Variants in CCL18 observed in about 807,000 individuals in gnomAD.
The protein encoded by CCL18 is C-C motif chemokine 18.
A neutral mutation model predicts 8.0 loss-of-function variants in CCL18; 7 were observed. That is an observed-to-expected ratio of 0.87 (90% CI 0.50 to 1.64). The LOEUF (loss-of-function observed/expected upper bound fraction) is 1.64, where lower values mean the gene tolerates loss of function less well. Ranked by LOEUF, CCL18 falls within the 40% of genes most tolerant of loss-of-function variation. The probability of loss-of-function intolerance (pLI) is 0.00; values close to 1 mark genes in which losing one functional copy is unlikely to be tolerated. For synonymous variants in CCL18, 35 were observed against 41.3 expected, an observed-to-expected ratio of 0.85 and a Z score of 0.59; for missense variants, 95 against 107.8, an observed-to-expected ratio of 0.88 and a Z score of 0.52.
intron 1 of CCL18, among the ~76,000 whole-genome samples, chr17:36,067,845 C>T (rs755784518): frequency 5.9e-5 from 9 of 152,190 alleles, no homozygotes; most frequent in Non-Finnish European, 1.0e-4. Context: ...CATAACAATG[C>T]TTTGGTCAAT....
intron 1 of CCL18, among the ~76,000 whole-genome samples, chr17:36,064,906 G>C (rs1355507227): frequency 1.3e-5 from 2 of 152,196 alleles, no homozygotes; most frequent in African/African-American, 4.8e-5. Flanking sequence ...GACAAGACTA[G>C]GGAAATTAAG....
intron 2 of CCL18, 103 bp from the exon 3 acceptor site, chr17:36,070,848 A>C: frequency 1.1e-6 from 1 of 897,484 alleles, no homozygotes; most frequent in Non-Finnish European, 1.9e-6. Context: ...TTTTACGGGC[A>C]CGAGGACAGG....
intron 2 of CCL18, among the ~76,000 whole-genome samples, 186 bp from the exon 3 acceptor site, chr17:36,070,765 G>A (rs900374115): frequency 6.6e-6 from 1 of 152,236 alleles, no homozygotes; most frequent in East Asian, 1.9e-4. Flanking sequence ...CATGACAACA[G>A]GAAGTTTGCT....
At chr17:36,067,919 C>T (rs1033972762) in intron 1 of CCL18, among the ~76,000 whole-genome samples, 1 of 152,152 alleles carries the variant, frequency 6.6e-6, no homozygotes, top group Non-Finnish European at 1.5e-5. Flanking sequence ...TTGTACTATA[C>T]CTTTTCTATG....
At chr17:36,064,464 T>C (rs1421366487) in intron 1 of CCL18, 55 bp downstream of exon 1, 2 of 1,375,490 alleles carry the variant, frequency 1.5e-6, no homozygotes, top group Admixed American at 1.8e-5. Flanking sequence ...TCAGGCGACA[T>C]CTTCCAAGTG....
At position 36,071,580 on chromosome 17, in the gene CCL18, A is replaced by G. The variant is rs1044431182; in HGVS notation, c.*539A>G. 1.3e-5 allele frequency: 2 copies of G among 153,770 alleles called. No homozygotes were observed. Among genetic ancestry groups the G allele is most frequent in the African/African-American group, 4.8e-5 (2 of 41,470 alleles). 9.5% of individuals were successfully genotyped at this position (153,770 alleles called of 1,614,324 possible). ...TGAAAAGGGGCAGAAACAGCAAGAT[A>G]GGGACCAAGTACTTCTACAGTCATA... On this transcript the variant is annotated 3_prime_UTR_variant, in exon 3 of 3. Coordinates refer to ENST00000616054, the MANE Select transcript of CCL18 (RefSeq NM_002988.4).
chr17:36,070,980 G>C lies in CCL18; in HGVS notation c.209G>C (p.Cys70Ser). Reference sequence around the variant, plus strand: ...CTAACCAAGAGAGGCCGGCAGATCTGTGCTGACCCCAATAAGAAGTGGGTC... The same window carrying C: ...CTAACCAAGAGAGGCCGGCAGATCTCTGCTGACCCCAATAAGAAGTGGGTC... ...ILLTKRGRQI[C>S]ADPNKKWVQK... The change falls in exon 3 of 3, where the codon TGT becomes TCT. Residue 70 changes from cysteine (C) to serine (S), a missense_variant. Cys to Ser is a moderately radical substitution (Grantham distance 112, BLOSUM62 -1). Transcript: ENST00000616054. The C allele has an allele frequency of 2.5e-6, 4 of 1,614,052 alleles. No individual in the cohort carries two copies. Among genetic ancestry groups the C allele is most frequent in the Non-Finnish European group, 3.4e-6 (4 of 1,179,902 alleles).
At chr17:36,065,356 T>C (rs933240791) in intron 1 of CCL18, among the ~76,000 whole-genome samples, 3 of 152,180 alleles carry the variant, frequency 2.0e-5, no homozygotes, top group Non-Finnish European at 4.4e-5. Flanking sequence ...GAAGTCTCCA[T>C]TTTTTGCTTG....
chr17:36,070,890 G>A, intron 2 of CCL18, 61 bp from the exon 3 acceptor site: 1 of 1,249,022 alleles, frequency 8.0e-7, no homozygotes, highest in Non-Finnish European at 1.2e-6. Context: ...GAAGGACGCA[G>A]GGGCCACAGG....
At chr17:36,066,540 G>C (rs982501375) in intron 1 of CCL18, among the ~76,000 whole-genome samples, 29 of 152,262 alleles carry the variant, frequency 1.9e-4, no homozygotes, top group African/African-American at 6.8e-4. Context: ...CTTGCTCTGA[G>C]TTGTACATGT....
At chr17:36,068,496 C>A (rs775493702) in intron 1 of CCL18, among the ~76,000 whole-genome samples, 1 of 152,162 alleles carries the variant, frequency 6.6e-6, no homozygotes, top group South Asian at 2.1e-4. Flanking sequence ...CTTTGAGATT[C>A]TAAATGAGTT....
intron 1 of CCL18, among the ~76,000 whole-genome samples, chr17:36,067,715 A>G (rs2142051854): frequency 6.6e-6 from 1 of 152,292 alleles, no homozygotes; most frequent in Middle Eastern, 3.4e-3. Context: ...AAACCAACCC[A>G]CATATGTTAC....
Position 36,071,123 on chromosome 17 carries a change from C to T in CCL18, c.*82C>T, listed in dbSNP as rs2066864497. On this transcript the variant is annotated 3_prime_UTR_variant, in exon 3 of 3. Transcript: ENST00000616054. The stretch of plus-strand genomic sequence containing the variant: ...GCCTGAGCCAGGGCAATGGCCCTGC[C>T]ACCCTGGAGGCTACCTCTTCTAAGA... 1 of 893,532 alleles carries T rather than the reference C, an allele frequency of 1.1e-6. No individual in the cohort carries two copies. Among genetic ancestry groups the T allele is most frequent in the African/African-American group, 1.7e-5 (1 of 59,824 alleles). 55.4% of individuals were successfully genotyped at this position (893,532 alleles called of 1,614,324 possible).
chr17:36,070,651 C>G (rs1568528480), intron 2 of CCL18, 93 bp downstream of exon 2: 1 of 808,116 alleles, frequency 1.2e-6, no homozygotes, highest in African/African-American at 1.7e-5. Flanking sequence ...TAAGGCCCAT[C>G]AAGGTAAAGG....
chr17:36,067,661 TG>T (rs751114195), intron 1 of CCL18, among the ~76,000 whole-genome samples: 5 of 152,084 alleles, frequency 3.3e-5, no homozygotes, highest in Non-Finnish European at 7.4e-5. Flanking sequence ...TACTCCATCC[TG>T]GGCAACAGAG....
chr17:36,071,134 C>A lies in CCL18; in HGVS notation c.*93C>A. On this transcript the variant is annotated 3_prime_UTR_variant, in exon 3 of 3. Coordinates refer to ENST00000616054, the MANE Select transcript of CCL18 (RefSeq NM_002988.4). ...GGCAATGGCCCTGCCACCCTGGAGG[C>A]TACCTCTTCTAAGAGTCCCATCTGC... 2.6e-6 allele frequency: 2 copies of A among 782,872 alleles called. No homozygotes were observed. The highest frequency in any genetic ancestry group is 4.3e-6 in the Non-Finnish European group (2 of 462,958). 48.5% of individuals were successfully genotyped at this position (782,872 alleles called of 1,614,324 possible).
intron 2 of CCL18, 55 bp from the exon 3 acceptor site, chr17:36,070,896 A>T: frequency 7.7e-7 from 1 of 1,304,616 alleles, no homozygotes; most frequent in Non-Finnish European, 1.1e-6. Context: ...CGCAGGGGCC[A>T]CAGGATTCCC....
intron 1 of CCL18, among the ~76,000 whole-genome samples, chr17:36,067,411 G>T (rs1452645365): frequency 6.6e-6 from 1 of 152,128 alleles, no homozygotes; most frequent in Non-Finnish European, 1.5e-5. Flanking sequence ...AATTGGCCAG[G>T]TGCAGTGGCT....
Position 36,071,087 on chromosome 17 carries a change from A to T in CCL18, c.*46A>T, listed in dbSNP as rs138678712. 561 of 1,367,928 alleles carry T rather than the reference A, an allele frequency of 4.1e-4. 5 individuals carry two copies. In the African/African-American group the frequency reaches 7.2e-3, roughly 18 times the overall value. 84.7% of individuals were successfully genotyped at this position (1,367,928 alleles called of 1,614,324 possible). A position where few individuals can be genotyped will look rare whatever the true frequency, so the allele number is the denominator to read the frequency against. The stretch of plus-strand genomic sequence containing the variant: ...GCCCAGTGAACTTGGTGGGCCCAGG[A>T]GGGAACAGGAGCCTGAGCCAGGGCA... On this transcript the variant is annotated 3_prime_UTR_variant, in exon 3 of 3. Transcript: ENST00000616054.
Sources: gnomAD v4.1 joint callset for allele counts (sites outside exome capture counted in the v4.1 genomes callset) on GRCh38, gnomAD v4.1.1 for gene constraint, MANE v1.5 for transcripts, NCBI Gene and HGNC (gene_info 2026-07-23, HGNC 2026-07-21) for gene names.